The following PAK5 variants were observed in gnomAD, a reference collection of about 807,000 sequenced individuals.
The protein encoded by PAK5 is p21 (RAC1) activated kinase 5.
A neutral mutation model predicts 65.9 loss-of-function variants in PAK5; 16 were observed. The ratio of observed to expected loss-of-function variants is 0.24; its 90% confidence interval spans 0.16 to 0.37. PAK5 has a LOEUF of 0.37. PAK5 is among the 10% of genes least tolerant of loss of function. The pLI, the probability that PAK5 is intolerant of heterozygous loss-of-function variation, is 1.00. For synonymous variants in PAK5, 371 were observed against 354.9 expected (o/e 1.05, Z -0.51); for missense variants, 785 against 903.9 (o/e 0.87, Z 1.69).
At chr20:9,743,877 G>T (rs1288818185) in intron 1 of PAK5, among the ~76,000 whole-genome samples, 1 of 152,176 alleles carries the variant, frequency 6.6e-6, no homozygotes, top group African/African-American at 2.4e-5. Flanking sequence ...TTGCAAGTGT[G>T]ATTAAGCTCA....
intron 3 of PAK5, among the ~76,000 whole-genome samples, chr20:9,583,221 A>G (rs752769474): frequency 6.6e-6 from 1 of 152,240 alleles, no homozygotes; most frequent in Admixed American, 6.5e-5. Context: ...TAACCTAAAC[A>G]TAAATCCACA....
chr20:9,721,658 A>C (rs1188892319), intron 1 of PAK5, among the ~76,000 whole-genome samples: 2 of 63,022 alleles, frequency 3.2e-5, no homozygotes, highest in East Asian at 6.0e-4. Flanking sequence ...CATCTCAAAA[A>C]AAAAAAAAAA....
intron 1 of PAK5, among the ~76,000 whole-genome samples, chr20:9,758,324 T>G (rs984858): frequency 0.74 from 112,304 of 152,028 alleles, 41,735 homozygotes; most frequent in East Asian, 0.89. Flanking sequence ...CCCCAACACA[T>G]GTGGCCAAAA....
chr20:9,704,789 C>T (rs1394816080), intron 2 of PAK5, among the ~76,000 whole-genome samples: 1 of 152,130 alleles, frequency 6.6e-6, no homozygotes, highest in Non-Finnish European at 1.5e-5. Flanking sequence ...CACTGCATTA[C>T]CATGAAGAAA....
chr20:9,735,902 A>ATTTT (rs36113165), intron 1 of PAK5, among the ~76,000 whole-genome samples: 37 of 136,994 alleles, frequency 2.7e-4, no homozygotes, highest in African/African-American at 8.3e-4. Flanking sequence ...GAAACAATCT[A>ATTTT]TTTTTTTTTT....
chr20:9,635,673 G>A (rs2046974922), intron 3 of PAK5, among the ~76,000 whole-genome samples: 1 of 152,164 alleles, frequency 6.6e-6, no homozygotes, highest in African/African-American at 2.4e-5. Flanking sequence ...ATGAAAAGGG[G>A]TGACCCAGCT....
chr20:9,581,698 T>C (rs1208603057), intron 3 of PAK5, among the ~76,000 whole-genome samples: 1 of 152,186 alleles, frequency 6.6e-6, no homozygotes, highest in East Asian at 1.9e-4. Flanking sequence ...TTGTTCCCTT[T>C]AATGAACCTA....
chr20:9,722,485 G>A (rs2048227556), intron 1 of PAK5, among the ~76,000 whole-genome samples: 2 of 151,740 alleles, frequency 1.3e-5, no homozygotes, highest in Admixed American at 1.3e-4. Context: ...GGTGGCGGGC[G>A]CCTGTAGTCC....
At chr20:9,815,723 A>G (rs1178104158) in intron 1 of PAK5, among the ~76,000 whole-genome samples, 2 of 152,026 alleles carry the variant, frequency 1.3e-5, no homozygotes, top group Admixed American at 1.3e-4. Context: ...ACTATTTGGG[A>G]TTGTTCCTTT....
At chr20:9,834,345 A>G (rs1174335507) in intron 1 of PAK5, among the ~76,000 whole-genome samples, 2 of 152,348 alleles carry the variant, frequency 1.3e-5, no homozygotes, top group South Asian at 4.1e-4. Context: ...AATGAGAGAC[A>G]TTAAGTCACT....
chr20:9,599,700 C>T (rs984767498), intron 3 of PAK5, among the ~76,000 whole-genome samples: 1 of 151,786 alleles, frequency 6.6e-6, no homozygotes. Flanking sequence ...TTGAGTTGGG[C>T]TGTTTCTTTT....
At chr20:9,641,786 G>A (rs531083430) in intron 3 of PAK5, among the ~76,000 whole-genome samples, 83 of 152,236 alleles carry the variant, frequency 5.5e-4, no homozygotes, top group East Asian at 1.8e-3. Flanking sequence ...CCGGTGGGCC[G>A]GCACTGCTGG....
At chr20:9,745,457 C>T (rs1388141287) in intron 1 of PAK5, among the ~76,000 whole-genome samples, 1 of 152,068 alleles carries the variant, frequency 6.6e-6, no homozygotes, top group Admixed American at 6.6e-5. Flanking sequence ...AAATCCTTTA[C>T]AGCTATTAAA....
At chr20:9,677,085 GTGT>G (rs2047584879) in intron 2 of PAK5, among the ~76,000 whole-genome samples, 2 of 85,840 alleles carry the variant, frequency 2.3e-5, no homozygotes, top group South Asian at 4.5e-4. Flanking sequence ...GTGTGTGTGT[GTGT>G]TTGTTGTTAT....
chr20:9,640,819 C>A (rs895871904), intron 3 of PAK5, among the ~76,000 whole-genome samples: 1 of 151,704 alleles, frequency 6.6e-6, no homozygotes, highest in African/African-American at 2.4e-5. Context: ...CTGGTGGGCT[C>A]GTGGTCTCGC....
At chr20:9,717,668 G>T (rs2048165259) in intron 1 of PAK5, among the ~76,000 whole-genome samples, 1 of 152,176 alleles carries the variant, frequency 6.6e-6, no homozygotes, top group African/African-American at 2.4e-5. Flanking sequence ...TGCCCAGGCT[G>T]GAGTGCAGTG....
At chr20:9,655,461 T>A (rs564596240) in intron 2 of PAK5, among the ~76,000 whole-genome samples, 127 of 151,976 alleles carry the variant, frequency 8.4e-4, no homozygotes, top group African/African-American at 2.8e-3. Context: ...TAAAAAAAAA[T>A]AAAAAAGCAA....
intron 2 of PAK5, among the ~76,000 whole-genome samples, chr20:9,705,348 G>A (rs2047992970): frequency 6.6e-6 from 1 of 152,004 alleles, no homozygotes; most frequent in South Asian, 2.1e-4. Flanking sequence ...AGTAACCAGG[G>A]AAAATCAAAT....
chr20:9,539,455 C>T lies in PAK5; in HGVS notation c.*7G>A. The T allele has an allele frequency of 1.2e-6, 2 of 1,613,444 alleles. No homozygotes were observed. Among genetic ancestry groups the T allele is most frequent in the South Asian group, 2.2e-5 (2 of 91,044 alleles). On this transcript the variant is annotated 3_prime_UTR_variant, in exon 10 of 10. Transcript: ENST00000353224. ...ATCTAGCTTTGCCACCTACACGAATCCTCTGCTCAGTGATGCCTGTATTGT... is the reference window on the plus strand; with the variant it reads ...ATCTAGCTTTGCCACCTACACGAATTCTCTGCTCAGTGATGCCTGTATTGT...
Sources: allele counts gnomAD v4.1 joint callset (sites outside exome capture counted in the v4.1 genomes callset), GRCh38; gene constraint gnomAD v4.1.1; transcripts MANE v1.5; gene names NCBI Gene and HGNC (gene_info 2026-07-23, HGNC 2026-07-21).